FOXP2: variants seen among roughly 807,000 people sequenced by gnomAD.
FOXP2 encodes forkhead box protein P2.
FOXP2 carries 12 observed loss-of-function variants against 115.8 expected under a neutral mutation model. That is an observed-to-expected ratio of 0.10 (90% CI 0.07 to 0.17). FOXP2 has a LOEUF of 0.17. FOXP2 is among the 10% of genes least tolerant of loss of function. The pLI, the probability that FOXP2 is intolerant of heterozygous loss-of-function variation, is 1.00. For missense variants in FOXP2, 629 were observed against 843.5 expected, an observed-to-expected ratio of 0.75 and a Z score of 3.15; for synonymous variants, 328 against 297.7, an observed-to-expected ratio of 1.10 and a Z score of -1.05.
rs946912760 is a variant in FOXP2, at chr7:114,571,827, T to G, written c.258+37121T>G. On this transcript the variant is annotated intron_variant, in intron 3 of 16. Coordinates refer to ENST00000350908, the MANE Select transcript of FOXP2 (RefSeq NM_014491.4). ...ACTTGGGCAATTATGGATTTTGGTA[T>G]CTATGTGTGTCCAATCCCCTACACA... 1.8e-4 allele frequency among the ~76,000 whole-genome samples: 28 copies of G among 151,818 alleles called. No homozygotes were observed. In the East Asian group the frequency reaches 5.4e-3, roughly 29 times the overall value.
At chr7:114,138,393 CTTT>C (rs34769199) in intron 1 of FOXP2, among the ~76,000 whole-genome samples, 3 of 138,470 alleles carry the variant, frequency 2.2e-5, no homozygotes, top group Admixed American at 7.3e-5. Flanking sequence ...TAAGCCTATT[CTTT>C]TTTTTTTTTT....
rs527617436 is a variant in FOXP2 at position 114,615,561 on chromosome 7, T to A, written c.259-12979T>A. On this transcript the variant is annotated intron_variant, in intron 3 of 16. Transcript: ENST00000350908. The stretch of plus-strand genomic sequence containing the variant: ...CATTCTCCCAGTTTCCAACTCGACT[T>A]CTCTAGCTGGGCTGTCTCAACTTCC... Among the ~76,000 whole-genome samples, 6 of 152,298 alleles carry A rather than the reference T, an allele frequency of 3.9e-5. No individual in the cohort carries two copies. In the East Asian group the frequency reaches 1.2e-3, roughly 29 times the overall value.
intron 1 of FOXP2, among the ~76,000 whole-genome samples, chr7:114,121,171 A>C (rs1022697528): frequency 2.6e-5 from 4 of 152,038 alleles, no homozygotes; most frequent in Non-Finnish European, 5.9e-5. Context: ...AGTCATGAGG[A>C]TGGAGCCCTC....
At chr7:114,541,191 A>C (rs987245194) in intron 3 of FOXP2, among the ~76,000 whole-genome samples, 1 of 152,142 alleles carries the variant, frequency 6.6e-6, no homozygotes, top group Non-Finnish European at 1.5e-5. Context: ...AGCAAATTTG[A>C]AAGAAAGCTT....
chr7:114,203,734 C>G (rs189101821), intron 1 of FOXP2, among the ~76,000 whole-genome samples: 41 of 152,292 alleles, frequency 2.7e-4, no homozygotes, highest in Admixed American at 1.1e-3. Flanking sequence ...CTACTGTTCT[C>G]TCCAACTAAC....
At chr7:114,363,532 C>T (rs1396023446) in intron 2 of FOXP2, among the ~76,000 whole-genome samples, 1 of 152,064 alleles carries the variant, frequency 6.6e-6, no homozygotes, top group African/African-American at 2.4e-5. Flanking sequence ...TCTGAGCACA[C>T]CTTTCAAAAG....
At position 114,544,999 on chromosome 7, in the gene FOXP2, C is replaced by T. The variant is rs1328521151; in HGVS notation, c.258+10293C>T. Among the ~76,000 whole-genome samples the T allele has an allele frequency of 1.3e-5, 2 of 152,014 alleles. 1 individual carries two copies. Among genetic ancestry groups the T allele is most frequent in the South Asian group, 4.1e-4 (2 of 4,826 alleles). ...TAAAAATGGAGATCTTGGGTCTATC[C>T]CAGACTACTGAATTAAAATTGAGGA... is the stretch of plus-strand genomic sequence containing the variant. On this transcript the variant is annotated intron_variant, in intron 3 of 16. Coordinates refer to ENST00000350908, the MANE Select transcript of FOXP2 (RefSeq NM_014491.4).
At chr7:114,145,509 A>G (rs1792347564) in intron 1 of FOXP2, among the ~76,000 whole-genome samples, 1 of 36,654 alleles carries the variant, frequency 2.7e-5, no homozygotes, top group Non-Finnish European at 8.6e-5. Flanking sequence ...TCCTTTTGAG[A>G]TGGAGTTTTG....
chr7:114,378,877 T>C (rs1434393589), intron 2 of FOXP2, among the ~76,000 whole-genome samples: 1 of 150,564 alleles, frequency 6.6e-6, no homozygotes, highest in Non-Finnish European at 1.5e-5. Flanking sequence ...GTTTCTAACA[T>C]CCATGATCAA....
chr7:114,622,636 T>G (rs1437234097), intron 3 of FOXP2, among the ~76,000 whole-genome samples: 2 of 151,970 alleles, frequency 1.3e-5, no homozygotes, highest in African/African-American at 4.8e-5. Context: ...TATGAAAGCA[T>G]GAAAGGATCT....
At position 114,127,969 on chromosome 7, in the gene FOXP2, A is replaced by C. The variant is rs187094011; in HGVS notation, c.-246-34975A>C. Among the ~76,000 whole-genome samples the C allele has an allele frequency of 1.1e-4, 17 of 152,340 alleles. No homozygotes were observed. The East Asian group carries it at 3.3e-3, about 29-fold the overall frequency. ...ATATGTCTTGTTAAATGTGATTTTC[A>C]AAATAGTAATGATATAAATTTTCTA... On this transcript the variant is annotated intron_variant, in intron 1 of 19. Coordinates refer to the FOXP2 transcript ENST00000635638.
chr7:114,533,714 G>A (rs1799247132), intron 2 of FOXP2, among the ~76,000 whole-genome samples: 1 of 151,822 alleles, frequency 6.6e-6, no homozygotes, highest in African/African-American at 2.4e-5. Context: ...TGTTGAGAGA[G>A]AAAATGAATT....
intron 3 of FOXP2, among the ~76,000 whole-genome samples, chr7:114,547,023 T>C (rs1055209135): frequency 6.6e-6 from 1 of 152,206 alleles, no homozygotes; most frequent in Non-Finnish European, 1.5e-5. Flanking sequence ...TATGATAATT[T>C]ATCAGGTTGT....
intron 3 of FOXP2, among the ~76,000 whole-genome samples, chr7:114,598,143 T>C (rs1422892222): frequency 4.6e-5 from 7 of 152,112 alleles, no homozygotes; most frequent in Non-Finnish European, 1.5e-5. Context: ...TGAGTGCTAC[T>C]GTGGCCAAGA....
chr7:114,251,634 G>C (rs1046710994), intron 1 of FOXP2, among the ~76,000 whole-genome samples: 37 of 152,138 alleles, frequency 2.4e-4, no homozygotes, highest in African/African-American at 8.7e-4. Context: ...TTTGCACTTT[G>C]AATTTGTATC....
At chr7:114,590,005 C>G (rs1022191234) in intron 3 of FOXP2, among the ~76,000 whole-genome samples, 11 of 152,024 alleles carry the variant, frequency 7.2e-5, no homozygotes, top group African/African-American at 2.7e-4. Flanking sequence ...TAAACCAGAA[C>G]TCAATAGTTC....
intron 3 of FOXP2, among the ~76,000 whole-genome samples, chr7:114,605,679 A>G (rs6953086): frequency 0.14 from 21,414 of 152,148 alleles, 1,903 homozygotes; most frequent in African/African-American, 0.25. Context: ...CTCCAATAGA[A>G]AGAGATTAAA....
intron 2 of FOXP2, among the ~76,000 whole-genome samples, chr7:114,367,744 C>A (rs543628953): frequency 6.6e-6 from 1 of 152,084 alleles, no homozygotes; most frequent in East Asian, 1.9e-4. Context: ...ATTGATATTT[C>A]GTTTCTCTAA....
intron 10 of FOXP2, 76 bp from the exon 11 acceptor site, chr7:114,657,990 T>A (rs894006704): frequency 1.5e-5 from 23 of 1,529,144 alleles, no homozygotes; most frequent in Non-Finnish European, 2.1e-5. Flanking sequence ...GTGAATCCAC[T>A]CTCATTTGTC....
Sources: allele counts gnomAD v4.1 joint callset (sites outside exome capture counted in the v4.1 genomes callset), GRCh38; gene constraint gnomAD v4.1.1; transcripts MANE v1.5; gene names NCBI Gene and HGNC (gene_info 2026-07-23, HGNC 2026-07-21).